The following ADAMTS12 variants were observed in gnomAD, a reference collection of about 807,000 sequenced individuals.
The protein encoded by ADAMTS12 is A disintegrin and metalloproteinase with thrombospondin motifs 12.
ADAMTS12 carries 118 observed loss-of-function variants against 167.8 expected under a neutral mutation model. That is an observed-to-expected ratio of 0.70 (90% CI 0.61 to 0.82). ADAMTS12 has a LOEUF of 0.82. ADAMTS12 is among the 40% of genes least tolerant of loss of function. The pLI, the probability that ADAMTS12 is intolerant of heterozygous loss-of-function variation, is 0.00. For synonymous variants in ADAMTS12, 704 were observed against 716.9 expected, an observed-to-expected ratio of 0.98 and a Z score of 0.29; for missense variants, 1,916 against 1,998.8, an observed-to-expected ratio of 0.96 and a Z score of 0.79.
intron 20 of ADAMTS12, among the ~76,000 whole-genome samples, chr5:33,557,102 C>A (rs1041758230): frequency 6.6e-6 from 1 of 152,140 alleles, no homozygotes; most frequent in Non-Finnish European, 1.5e-5. Context: ...CAATTGCAAT[C>A]CAGACAGCAA....
intron 2 of ADAMTS12, among the ~76,000 whole-genome samples, chr5:33,876,036 AAAATT>A (rs1750213345): frequency 6.6e-6 from 1 of 152,224 alleles, no homozygotes; most frequent in Non-Finnish European, 1.5e-5. Flanking sequence ...CATGAATACT[AAAATT>A]AAAAATATAA....
At chr5:33,693,681 G>A (rs964985957) in intron 3 of ADAMTS12, among the ~76,000 whole-genome samples, 8 of 151,734 alleles carry the variant, frequency 5.3e-5, no homozygotes, top group Non-Finnish European at 1.0e-4. Context: ...AATATAAAGA[G>A]TCACCTATGA....
intron 2 of ADAMTS12, among the ~76,000 whole-genome samples, chr5:33,828,420 A>G (rs1561294528): frequency 1.3e-5 from 2 of 152,110 alleles, no homozygotes; most frequent in Non-Finnish European, 2.9e-5. Flanking sequence ...TTAGACACCA[A>G]ACTCTTCAGG....
At chr5:33,612,987 T>C (rs1738803783) in intron 16 of ADAMTS12, among the ~76,000 whole-genome samples, 1 of 152,150 alleles carries the variant, frequency 6.6e-6, no homozygotes, top group Non-Finnish European at 1.5e-5. Flanking sequence ...AATACAAAAA[T>C]TGTTTATAAG....
At chr5:33,609,826 G>A (rs1738635881) in intron 16 of ADAMTS12, among the ~76,000 whole-genome samples, 1 of 152,058 alleles carries the variant, frequency 6.6e-6, no homozygotes, top group African/African-American at 2.4e-5. Context: ...AAATAATTCA[G>A]TCTTAATAAA....
chr5:33,613,164 G>A (rs1395690842), intron 16 of ADAMTS12, among the ~76,000 whole-genome samples: 1 of 152,168 alleles, frequency 6.6e-6, no homozygotes, highest in African/African-American at 2.4e-5. Flanking sequence ...ACATCACTCT[G>A]CAGCTGTCCT....
chr5:33,861,673 C>A (rs1291232965), intron 2 of ADAMTS12, among the ~76,000 whole-genome samples: 2 of 152,104 alleles, frequency 1.3e-5, no homozygotes, highest in Non-Finnish European at 2.9e-5. Context: ...CTGGACCAAG[C>A]AGACCTAATA....
At chr5:33,759,567 T>C (rs1194932863) in intron 2 of ADAMTS12, among the ~76,000 whole-genome samples, 1 of 152,204 alleles carries the variant, frequency 6.6e-6, no homozygotes, top group Non-Finnish European at 1.5e-5. Flanking sequence ...CTGCTGTCTC[T>C]GTGGATGTCA....
chr5:33,629,883 C>A (rs1739841154), intron 13 of ADAMTS12, among the ~76,000 whole-genome samples: 1 of 152,090 alleles, frequency 6.6e-6, no homozygotes. Flanking sequence ...CCCAAATAAG[C>A]TTCATTTTCT....
intron 2 of ADAMTS12, among the ~76,000 whole-genome samples, chr5:33,838,528 C>CA (rs1446853177): frequency 6.6e-6 from 1 of 152,018 alleles, no homozygotes; most frequent in Non-Finnish European, 1.5e-5. Context: ...ACTAAAAATA[C>CA]AAAAATTAGC....
At chr5:33,563,554 G>T (rs1213960126) in intron 19 of ADAMTS12, among the ~76,000 whole-genome samples, 1 of 152,178 alleles carries the variant, frequency 6.6e-6, no homozygotes, top group Admixed American at 6.5e-5. Flanking sequence ...TTCAGAACCA[G>T]AACTGATGCT....
At chr5:33,602,719 T>C (rs1274586490) in intron 16 of ADAMTS12, among the ~76,000 whole-genome samples, 1 of 152,244 alleles carries the variant, frequency 6.6e-6, no homozygotes, top group African/African-American at 2.4e-5. Flanking sequence ...ACCAAGGATA[T>C]GTGGACATTA....
chr5:33,762,707 T>C (rs1446770625), intron 2 of ADAMTS12, among the ~76,000 whole-genome samples: 1 of 152,074 alleles, frequency 6.6e-6, no homozygotes, highest in East Asian at 1.9e-4. Flanking sequence ...CCCTGGAGCA[T>C]GATAGGAAAT....
chr5:33,788,219 T>C (rs962883239), intron 2 of ADAMTS12, among the ~76,000 whole-genome samples: 1 of 152,224 alleles, frequency 6.6e-6, no homozygotes, highest in African/African-American at 2.4e-5. Flanking sequence ...TGAAATAATG[T>C]ATGTCCTCTA....
intron 3 of ADAMTS12, among the ~76,000 whole-genome samples, chr5:33,744,141 T>C (rs904960604): frequency 7.2e-5 from 11 of 152,170 alleles, no homozygotes; most frequent in Admixed American, 7.2e-4. Context: ...TAAGCAGACA[T>C]GATTCCTGTC....
At chr5:33,568,378 T>G (rs1008905422) in intron 19 of ADAMTS12, among the ~76,000 whole-genome samples, 3 of 152,176 alleles carry the variant, frequency 2.0e-5, no homozygotes, top group African/African-American at 4.8e-5. Context: ...TGGTTTGAAT[T>G]TACCTATTTA....
At chr5:33,782,295 A>C (rs75975014) in intron 2 of ADAMTS12, among the ~76,000 whole-genome samples, 1,677 of 152,078 alleles carry the variant, frequency 0.011, 28 homozygotes, top group African/African-American at 0.038. Context: ...AAAATAGTTT[A>C]AAAATATGGT....
intron 18 of ADAMTS12, among the ~76,000 whole-genome samples, chr5:33,584,327 AG>A (rs1747224385): frequency 1.3e-5 from 2 of 152,058 alleles, no homozygotes; most frequent in Admixed American, 1.3e-4. Context: ...CTGATTTTGC[AG>A]GGTCCTTTTG....
Position 33,685,005 on chromosome 5 carries a change from G to T in ADAMTS12, c.635-950C>A, listed in dbSNP as rs560104258. ...AAAAAGTTCCAGTGGGCTCAGAATG[G>T]CTTAGGGAGCCGAGGAAGACAGGTT... On this transcript the variant is annotated intron_variant, in intron 3 of 23. Transcript: ENST00000504830. Among the ~76,000 whole-genome samples, 4 of 152,308 alleles carry T rather than the reference G, an allele frequency of 2.6e-5. No individual in the cohort carries two copies. The South Asian group carries it at 8.3e-4, about 32-fold the overall frequency.
Sources: allele counts gnomAD v4.1 joint callset (sites outside exome capture counted in the v4.1 genomes callset), GRCh38; gene constraint gnomAD v4.1.1; transcripts MANE v1.5; gene names NCBI Gene and HGNC (gene_info 2026-07-23, HGNC 2026-07-21).